The following NAALADL2 variants were observed in gnomAD, a reference collection of about 807,000 sequenced individuals.
NAALADL2 encodes the protein inactive N-acetylated-alpha-linked acidic dipeptidase-like protein 2.
NAALADL2 carries 76 observed loss-of-function variants against 87.2 expected under a neutral mutation model. The ratio of observed to expected loss-of-function variants is 0.87; its 90% CI spans 0.72 to 1.05. NAALADL2 has a LOEUF of 1.05. Among genes scored for constraint, NAALADL2 ranks in the 50% least tolerant of loss-of-function variants. The probability of loss-of-function intolerance (pLI) is 0.00; values close to 1 mark genes in which losing one functional copy is unlikely to be tolerated. For missense variants in NAALADL2, 1,089 were observed against 945.8 expected (o/e 1.15, Z -1.99); for synonymous variants, 354 against 331.0 (o/e 1.07, Z -0.75).
chr3:175,420,035 C>G (rs1411041824), intron 5 of NAALADL2, among the ~76,000 whole-genome samples: 1 of 151,862 alleles, frequency 6.6e-6, no homozygotes, highest in Non-Finnish European at 1.5e-5. Context: ...CCTCAGTCTT[C>G]TCAGATGCAA....
intron 2 of NAALADL2, among the ~76,000 whole-genome samples, chr3:174,654,453 G>T (rs1724701735): frequency 6.6e-6 from 1 of 152,074 alleles, no homozygotes; most frequent in Admixed American, 6.5e-5. Context: ...TTACTAGGGA[G>T]TTTTCTTTTT....
intron 11 of NAALADL2, among the ~76,000 whole-genome samples, chr3:175,679,415 T>C (rs561311134): frequency 1.3e-5 from 2 of 152,314 alleles, no homozygotes; most frequent in South Asian, 4.1e-4. Flanking sequence ...GGCTAATGGC[T>C]GATAAATGAA....
intron 1 of NAALADL2, among the ~76,000 whole-genome samples, chr3:174,988,313 A>G (rs190657506): frequency 6.6e-6 from 1 of 152,316 alleles, no homozygotes; most frequent in East Asian, 1.9e-4. Flanking sequence ...TATACAGTAG[A>G]AGCAGTGAAG....
intron 11 of NAALADL2, among the ~76,000 whole-genome samples, chr3:175,680,014 A>G (rs762556483): frequency 1.3e-4 from 20 of 152,168 alleles, no homozygotes; most frequent in Non-Finnish European, 2.9e-4. Flanking sequence ...TGAGGAAAAA[A>G]GATTCTCCTT....
At chr3:174,654,060 T>TTGTGTGTGTGTG (rs137877260) in intron 2 of NAALADL2, among the ~76,000 whole-genome samples, 19 of 143,962 alleles carry the variant, frequency 1.3e-4, no homozygotes, top group African/African-American at 3.8e-4. Flanking sequence ...TAAGATGGCT[T>TTGTGTGTGTGTG]TGTGTGTGTG....
intron 3 of NAALADL2, among the ~76,000 whole-genome samples, chr3:174,802,821 T>G (rs941628124): frequency 1.1e-4 from 16 of 152,178 alleles, no homozygotes; most frequent in African/African-American, 3.9e-4. Context: ...CTCACCCTTT[T>G]TTATGCCTGT....
intron 10 of NAALADL2, chr3:175,581,007 A>G (rs1380732002): frequency 6.1e-6 from 1 of 164,502 alleles, no homozygotes; most frequent in Non-Finnish European, 1.3e-5. Flanking sequence ...AATTAGTATT[A>G]CATTGTTATA....
At chr3:175,784,930 C>T (rs1751710218) in intron 13 of NAALADL2, among the ~76,000 whole-genome samples, 1 of 128,156 alleles carries the variant, frequency 7.8e-6, no homozygotes, top group South Asian at 2.5e-4. Context: ...TTTCAAAGAA[C>T]ATCTTTATTT....
chr3:174,970,362 T>C (rs1452354014), intron 1 of NAALADL2, among the ~76,000 whole-genome samples: 1 of 152,220 alleles, frequency 6.6e-6, no homozygotes, highest in East Asian at 1.9e-4. Flanking sequence ...CTGAGTAGAT[T>C]GCTCAGGGTT....
chr3:175,163,781 T>A (rs2108860007), intron 2 of NAALADL2, among the ~76,000 whole-genome samples: 1 of 152,324 alleles, frequency 6.6e-6, no homozygotes, highest in Middle Eastern at 3.4e-3. Flanking sequence ...TTGCACCTTT[T>A]GGTTTGTACA....
At chr3:174,580,316 G>C (rs915350005) in intron 2 of NAALADL2, among the ~76,000 whole-genome samples, 7 of 152,082 alleles carry the variant, frequency 4.6e-5, no homozygotes, top group Non-Finnish European at 8.8e-5. Context: ...TCATAATTAT[G>C]TCAAAAATAT....
intron 2 of NAALADL2, among the ~76,000 whole-genome samples, chr3:174,683,124 A>G (rs1242674535): frequency 1.3e-5 from 2 of 152,226 alleles, no homozygotes; most frequent in African/African-American, 4.8e-5. Flanking sequence ...CAATTGACAT[A>G]CTGAAGAATG....
chr3:174,707,145 A>T (rs1730154161), intron 2 of NAALADL2, among the ~76,000 whole-genome samples: 1 of 152,164 alleles, frequency 6.6e-6, no homozygotes. Flanking sequence ...TCAGGAAACA[A>T]CAGGTGCTGG....
intron 5 of NAALADL2, among the ~76,000 whole-genome samples, chr3:175,426,274 A>G (rs1716771430): frequency 6.6e-6 from 1 of 152,146 alleles, no homozygotes; most frequent in Non-Finnish European, 1.5e-5. Context: ...GAGGCAGGAG[A>G]ATCACTTGAA....
At chr3:175,617,285 G>C (rs1725476910) in intron 10 of NAALADL2, among the ~76,000 whole-genome samples, 1 of 152,158 alleles carries the variant, frequency 6.6e-6, no homozygotes, top group African/African-American at 2.4e-5. Flanking sequence ...AATCACCTGG[G>C]ACTCCTGGAT....
At chr3:175,413,729 T>C (rs1021395703) in intron 5 of NAALADL2, among the ~76,000 whole-genome samples, 3 of 151,914 alleles carry the variant, frequency 2.0e-5, no homozygotes, top group African/African-American at 7.3e-5. Context: ...ATAGACCAAA[T>C]TAAATTGCTC....
At chr3:175,420,765 A>G (rs1715563399) in intron 5 of NAALADL2, among the ~76,000 whole-genome samples, 1 of 152,036 alleles carries the variant, frequency 6.6e-6, no homozygotes, top group Admixed American at 6.6e-5. Context: ...TTTAGATTTT[A>G]TTATTACACA....
At chr3:175,135,103 G>A (rs1461587467) in intron 2 of NAALADL2, among the ~76,000 whole-genome samples, 1 of 151,994 alleles carries the variant, frequency 6.6e-6, no homozygotes, top group Admixed American at 6.6e-5. Flanking sequence ...TGCTACTACT[G>A]CAAATAATGT....
At chr3:174,577,709 C>T (rs1578212274) in intron 2 of NAALADL2, among the ~76,000 whole-genome samples, 1 of 151,952 alleles carries the variant, frequency 6.6e-6, no homozygotes, top group Admixed American at 6.6e-5. Flanking sequence ...TGCCAGGTAT[C>T]CTCCACAATT....
Sources: gnomAD v4.1 joint callset for allele counts (sites outside exome capture counted in the v4.1 genomes callset) on GRCh38, gnomAD v4.1.1 for gene constraint, MANE v1.5 for transcripts, NCBI Gene and HGNC (gene_info 2026-07-23, HGNC 2026-07-21) for gene names.